The following RCBTB2 variants were observed in gnomAD, a reference collection of about 807,000 sequenced individuals.
The protein encoded by RCBTB2 is RCC1 and BTB domain-containing protein 2.
Under a neutral mutation model 65.4 loss-of-function variants are expected in RCBTB2, and 55 were observed. That is an observed-to-expected ratio of 0.84 (90% CI 0.68 to 1.05). The LOEUF (loss-of-function observed/expected upper bound fraction) is 1.05, where lower values mean the gene tolerates loss of function less well. RCBTB2 is among the 50% of genes least tolerant of loss of function. The pLI is 0.00. For missense variants in RCBTB2, 599 were observed against 680.1 expected (o/e 0.88, Z 1.33); for synonymous variants, 220 against 255.2 (o/e 0.86, Z 1.31).
At chr13:48,516,342 C>G (rs1004865555) in intron 4 of RCBTB2, among the ~76,000 whole-genome samples, 1 of 152,156 alleles carries the variant, frequency 6.6e-6, no homozygotes, top group Non-Finnish European at 1.5e-5. Flanking sequence ...GCAGCCGTAA[C>G]AAAGTAGTGA....
chr13:48,524,077 G>A (rs201180519), intron 2 of RCBTB2, among the ~76,000 whole-genome samples: 1 of 151,246 alleles, frequency 6.6e-6, no homozygotes, highest in Non-Finnish European at 1.5e-5. Flanking sequence ...ATTAAAAAGT[G>A]TTTTGAATTT....
chr13:48,506,794 A>G (rs1197492095), intron 10 of RCBTB2, among the ~76,000 whole-genome samples: 3 of 152,228 alleles, frequency 2.0e-5, no homozygotes, highest in African/African-American at 7.2e-5. Context: ...TCCTTTCTTC[A>G]GATTTTAGCA....
chr13:48,531,471 T>C (rs1593841278), intron 1 of RCBTB2, among the ~76,000 whole-genome samples: 2 of 152,244 alleles, frequency 1.3e-5, no homozygotes, highest in East Asian at 3.8e-4. Flanking sequence ...TAGTCACCTC[T>C]CTGAAATGAT....
At chr13:48,527,324 T>TATATATATG (rs1393437306) in intron 1 of RCBTB2, among the ~76,000 whole-genome samples, 22 of 126,560 alleles carry the variant, frequency 1.7e-4, no homozygotes, top group African/African-American at 7.8e-4. Flanking sequence ...TTGGCTCATA[T>TATATATATG]ATATATATAT....
rs374097079 is a variant in RCBTB2 at position 48,497,457 on chromosome 13, T to C, written c.1385-1136A>G. Among the ~76,000 whole-genome samples the C allele has an allele frequency of 2.6e-5, 4 of 152,344 alleles. No homozygotes were observed. In the South Asian group the frequency reaches 6.2e-4, roughly 24 times the overall value. ...ATAGGAAGTACTCTAATTGAAGCAGTCAATCAGCATCTGAAAGATCCTATT... is the reference window on the plus strand; with the variant it reads ...ATAGGAAGTACTCTAATTGAAGCAGCCAATCAGCATCTGAAAGATCCTATT... On this transcript the variant is annotated intron_variant, in intron 13 of 14. Coordinates refer to ENST00000344532, the MANE Select transcript of RCBTB2 (RefSeq NM_001268.4).
Position 48,515,695 on chromosome 13 carries a change from T to G in RCBTB2, c.89A>C (p.Lys30Thr), listed in dbSNP as rs1011801543. ...LSSLKMLDVG[K>T]WPIFSLCSEE... is the part of the protein sequence containing the mutation. ...AGAACAAAGGGAAAAAATTGGCCAC[T>G]TTCCCACATCTAACATCTTCAAAGA... The change falls in exon 5 of 15, where the codon AAG (lysine) becomes ACG (threonine). Residue 30 changes from lysine (K) to threonine (T), a missense_variant. By Grantham distance (78) the Lys-to-Thr change is moderately conservative. Transcript: ENST00000344532. The G allele has an allele frequency of 1.9e-6, 3 of 1,614,042 alleles. No homozygotes were observed. Among genetic ancestry groups the G allele is most frequent in the African/African-American group, 2.7e-5 (2 of 74,934 alleles).
At position 48,533,056 on chromosome 13, in the gene RCBTB2, C is replaced by T. The variant is rs1276282078; in HGVS notation, c.-247G>A. The T allele has an allele frequency of 2.2e-6, 1 of 454,682 alleles. No homozygotes were observed. The highest frequency in any genetic ancestry group is 2.4e-5 in the Admixed American group (1 of 42,538). The allele number at this position is 454,682 out of a possible 1,614,324, so 28.2% of individuals were successfully genotyped here. Reference sequence around the variant, plus strand: ...CTCGCAGGCCGGAGCCTTGTCCGCTCCGCCTCCTGGGTAGCGGTTACTGCA... The same window carrying T: ...CTCGCAGGCCGGAGCCTTGTCCGCTTCGCCTCCTGGGTAGCGGTTACTGCA... On this transcript the variant is annotated 5_prime_UTR_variant, in exon 1 of 15. Coordinates refer to ENST00000344532, the MANE Select transcript of RCBTB2 (RefSeq NM_001268.4).
chr13:48,533,250 G>T, upstream of RCBTB2: 1 of 304,954 alleles, frequency 3.3e-6, no homozygotes, highest in Non-Finnish European at 6.5e-6. Flanking sequence ...GCTGCCCACC[G>T]CCGCCCCTCC....
intron 4 of RCBTB2, 70 bp downstream of exon 4, chr13:48,521,828 A>C: frequency 7.0e-7 from 1 of 1,434,558 alleles, no homozygotes; most frequent in South Asian, 1.2e-5. Context: ...TCGGTGACCA[A>C]TAGGTGCTTC....
At chr13:48,532,470 TC>T (rs1952194137) in intron 1 of RCBTB2, 1 of 152,228 alleles carries the variant, frequency 6.6e-6, no homozygotes, top group African/African-American at 2.4e-5. Flanking sequence ...AGCCTAGGGG[TC>T]GAGGCCACAG....
In RCBTB2 at chr13:48,512,092, C is replaced by T; in HGVS notation, c.599G>A (p.Gly200Asp). The T allele has an allele frequency of 6.2e-7, 1 of 1,614,186 alleles. No homozygotes were observed. Residue 200 changes from glycine (G) to aspartate (D), a missense_variant, in exon 8 of 15, where the codon GGC (glycine) becomes GAC (aspartate). Physicochemically the swap from Gly to Asp is moderately conservative, Grantham distance 94 (BLOSUM62 -1). Coordinates refer to ENST00000344532, the MANE Select transcript of RCBTB2 (RefSeq NM_001268.4). ...CACAACTACTTTATTTTGTAGGCAGCCAGTGACTCTTCGAGGGATTGGCTG... is the reference window on the plus strand; with the variant it reads ...CACAACTACTTTATTTTGTAGGCAGTCAGTGACTCTTCGAGGGATTGGCTG... Reference protein sequence around the residue: ...VNQPIPRRVTGCLQNKVVVTI... With the variant: ...VNQPIPRRVTDCLQNKVVVTI...
At position 48,516,249 on chromosome 13, in the gene RCBTB2, T is replaced by C. The variant is rs558464905; in HGVS notation, c.43-508A>G. Among the ~76,000 whole-genome samples, 6 of 152,334 alleles carry C rather than the reference T, an allele frequency of 3.9e-5. No individual in the cohort carries two copies. The South Asian group carries it at 1.0e-3, about 26-fold the overall frequency. Reference sequence around the variant, plus strand: ...TTTACTTGGCCTTCAGTTTAAGGAATTGGTGGGTTTCCTCATCCCTCAAGG... The same window carrying C: ...TTTACTTGGCCTTCAGTTTAAGGAACTGGTGGGTTTCCTCATCCCTCAAGG... On this transcript the variant is annotated intron_variant, in intron 4 of 14. Coordinates refer to ENST00000344532, the MANE Select transcript of RCBTB2 (RefSeq NM_001268.4).
chr13:48,491,644 A>G (rs1949705403), intron 14 of RCBTB2: 1 of 152,216 alleles, frequency 6.6e-6, no homozygotes, highest in African/African-American at 2.4e-5. Context: ...GAATGGAGGA[A>G]TTCATACCTA....
Position 48,510,630 on chromosome 13 carries a change from T to C in RCBTB2, c.925A>G (p.Arg309Gly), listed in dbSNP as rs1808913348. ...YPTPVTVEKD[R>G]IIEIAACHST... ...GGACTGTGAAAATGCCCGTGTTACC[T>C]GTCCTTTTCCACAGTGACAGGAGTA... The change falls in exon 10 of 15, where the codon AGG becomes GGG. Residue 309 changes from arginine (R) to glycine (G), a missense_variant and splice_region_variant. Arg to Gly is a moderately radical substitution (Grantham distance 125). Transcript: ENST00000344532. The C allele has an allele frequency of 6.2e-7, 1 of 1,613,964 alleles. No homozygotes were observed.
At chr13:48,534,327 AT>A (rs892389636), upstream of RCBTB2, among the ~76,000 whole-genome samples, 58 of 150,384 alleles carry the variant, frequency 3.9e-4, no homozygotes, top group African/African-American at 1.0e-3. Flanking sequence ...GATAGCTGGC[AT>A]TTTTTTTTTA....
chr13:48,490,348 G>A, intron 14 of RCBTB2, 97 bp from the exon 15 acceptor site: 2 of 966,378 alleles, frequency 2.1e-6, no homozygotes, highest in Non-Finnish European at 3.1e-6. Flanking sequence ...CAAAGAAAAA[G>A]GATTTAATAG....
chr13:48,504,735 A>G (rs1950407205), intron 10 of RCBTB2, among the ~76,000 whole-genome samples: 1 of 152,240 alleles, frequency 6.6e-6, no homozygotes, highest in Admixed American at 6.5e-5. Context: ...TCAACAACAC[A>G]GAGCAAAGGT....
rs150840418 is a variant in RCBTB2, at chr13:48,515,240, T to C, written c.314A>G (p.Tyr105Cys). 2.5e-6 allele frequency: 4 copies of C among 1,614,054 alleles called. No homozygotes were observed. The highest frequency in any genetic ancestry group is 1.7e-5 in the Admixed American group (1 of 60,002). The change falls in exon 6 of 15, where the codon TAT (tyrosine) becomes TGT (cysteine). Residue 105 changes from tyrosine (Y) to cysteine (C), a missense_variant. Tyr to Cys is a radical substitution (Grantham distance 194, BLOSUM62 -2). Coordinates refer to ENST00000344532, the MANE Select transcript of RCBTB2 (RefSeq NM_001268.4). ...AAGGACAATATGTGGACCACTCCCA[T>C]AGCTGAGGCAGGCTATTTTTTTGCC... The part of the protein sequence containing the change: ...LNGKKIACLS[Y>C]GSGPHIVLAT...
intron 14 of RCBTB2, among the ~76,000 whole-genome samples, chr13:48,494,262 A>G (rs991633277): frequency 3.3e-5 from 5 of 152,358 alleles, no homozygotes; most frequent in Admixed American, 1.3e-4. Context: ...TAATTTGCTG[A>G]AAGAGCCCAT....
Sources: gnomAD v4.1 joint callset for allele counts (sites outside exome capture counted in the v4.1 genomes callset) on GRCh38, gnomAD v4.1.1 for gene constraint, MANE v1.5 for transcripts, NCBI Gene and HGNC (gene_info 2026-07-23, HGNC 2026-07-21) for gene names.